PTPRQ: variants seen among roughly 807,000 people sequenced by gnomAD.
The protein encoded by PTPRQ is phosphatidylinositol phosphatase PTPRQ.
A neutral mutation model predicts 246.0 loss-of-function variants in PTPRQ; 199 were observed. The observed-to-expected ratio is 0.81, with a 90% CI of 0.72 to 0.91. PTPRQ has a LOEUF of 0.91. Among genes scored for constraint, PTPRQ ranks in the 40% least tolerant of loss-of-function variants. The pLI is 0.00. For synonymous variants in PTPRQ, 869 were observed against 853.2 expected (o/e 1.02, Z -0.32); for missense variants, 2,624 against 2,528.4 (o/e 1.04, Z -0.81).
intron 3 of PTPRQ, among the ~76,000 whole-genome samples, chr12:80,450,807 G>A (rs1007840435): frequency 4.6e-5 from 7 of 152,246 alleles, no homozygotes; most frequent in East Asian, 3.9e-4. Context: ...TTTTTGCATC[G>A]ATGTTCATCA....
Position 80,570,250 on chromosome 12 carries a change from T to C in PTPRQ, c.4286-17879T>C, listed in dbSNP as rs903417984. Among the ~76,000 whole-genome samples, 3 of 152,342 alleles carry C rather than the reference T, an allele frequency of 2.0e-5. No homozygotes were observed. The East Asian group carries it at 5.8e-4, about 29-fold the overall frequency. On this transcript the variant is annotated intron_variant, in intron 25 of 44. Transcript: ENST00000644991. ...CACATCCTCTCCAGCATCTGTTGTT[T>C]CCTGACTTTTTAATAATTGCCATTC...
intron 36 of PTPRQ, 145 bp from the exon 37 acceptor site, chr12:80,649,443 C>G: frequency 8.8e-7 from 1 of 1,139,798 alleles, no homozygotes; most frequent in Non-Finnish European, 1.2e-6. Flanking sequence ...ATAAGTATAA[C>G]AGAGTGACTT....
Position 80,549,512 on chromosome 12 carries a change from T to C in PTPRQ, c.4063T>C (p.Ser1355Pro). The change falls in exon 25 of 45, where the codon TCA becomes CCA. Residue 1355 changes from serine (S) to proline (P), a missense_variant. Physicochemically the swap from Ser to Pro is moderately conservative, Grantham distance 74. Coordinates refer to ENST00000644991, the MANE Select transcript of PTPRQ (RefSeq NM_001145026.2). The stretch of plus-strand genomic sequence containing the variant: ...GCAGTGCATGGCAACTAGCTGGCAG[T>C]CAGTTTTAGTGAAATGGGATCCACC... ...NMQCMATSWQ[S>P]VLVKWDPPKK... 2 of 1,551,036 alleles carry C rather than the reference T, an allele frequency of 1.3e-6. No homozygotes were observed. Among genetic ancestry groups the C allele is most frequent in the Non-Finnish European group, 1.7e-6 (2 of 1,146,518 alleles).
chr12:80,628,899 GT>G (rs2121158747), intron 33 of PTPRQ, among the ~76,000 whole-genome samples: 1 of 152,080 alleles, frequency 6.6e-6, no homozygotes, highest in East Asian at 1.9e-4. Context: ...AGTGTGCTGT[GT>G]TAGTCTGCTC....
rs1470178842 is a variant in PTPRQ at position 80,588,298 on chromosome 12, T to A, written c.4455T>A (p.Tyr1485Ter). 5.8e-6 allele frequency: 9 copies of A among 1,551,564 alleles called. No individual in the cohort carries two copies. Among genetic ancestry groups the A allele is most frequent in the Non-Finnish European group, 7.8e-6 (9 of 1,146,916 alleles). ...GGGAATCCGAAGAATGTGTTGAATA[T>A]CAAAAAATTCAATACCTCTATGAAG... ...KEWESEECVE[Y>*]QKIQYLYEAH... is the part of the protein sequence containing the mutation. The change falls in exon 26 of 45, where the codon TAT (tyrosine) becomes TAA (stop). Residue 1485 changes from tyrosine (Y) to a stop codon, truncating the protein, a stop_gained. Coordinates refer to ENST00000644991, the MANE Select transcript of PTPRQ (RefSeq NM_001145026.2). LOFTEE classifies it high-confidence loss of function.
At position 80,613,798 on chromosome 12, in the gene PTPRQ, C is replaced by G. The variant is rs574325862; in HGVS notation, c.5125C>G (p.Leu1709Val). The change falls in exon 29 of 45, where the codon CTA (leucine) becomes GTA (valine). Residue 1709 changes from leucine (L) to valine (V), a missense_variant. Physicochemically the swap from Leu to Val is conservative, Grantham distance 32. Coordinates refer to ENST00000644991, the MANE Select transcript of PTPRQ (RefSeq NM_001145026.2). ...QKTNTFVIAMLEGLKGGHTYN... is the reference protein window; with the variant it reads ...QKTNTFVIAMVEGLKGGHTYN... ...AACCAACACATTCGTCATTGCAATG[C>G]TAGAAGGACTAAAAGGTGGACATAC... 8.6e-5 allele frequency: 132 copies of G among 1,540,860 alleles called. 2 individuals are homozygous for G. The South Asian group carries it at 1.5e-3, about 18-fold the overall frequency.
intron 35 of PTPRQ, among the ~76,000 whole-genome samples, chr12:80,642,056 TACCCTGCTCA>T (rs1325595618): frequency 1.3e-5 from 2 of 152,114 alleles, no homozygotes; most frequent in Non-Finnish European, 2.9e-5. Context: ...CAGTGACTAG[TACCCTGCTCA>T]ATCAGAGCCC....
chr12:80,571,697 T>A (rs534087167), intron 25 of PTPRQ, among the ~76,000 whole-genome samples: 1 of 152,262 alleles, frequency 6.6e-6, no homozygotes, highest in South Asian at 2.1e-4. Flanking sequence ...ATTTTGGGTG[T>A]GTAGTATGAG....
intron 5 of PTPRQ, among the ~76,000 whole-genome samples, chr12:80,460,445 A>G (rs1388941410): frequency 1.3e-5 from 2 of 152,206 alleles, no homozygotes; most frequent in African/African-American, 4.8e-5. Context: ...GTAAAGGTTA[A>G]GGTATAAGGA....
chr12:80,624,139 A>G (rs1313213029), intron 33 of PTPRQ, among the ~76,000 whole-genome samples: 1 of 152,156 alleles, frequency 6.6e-6, no homozygotes. Context: ...GTGCTCTGGA[A>G]ACAGAAGGAG....
chr12:80,651,960 GAAAT>G (rs1390056597), intron 37 of PTPRQ, among the ~76,000 whole-genome samples: 2 of 151,918 alleles, frequency 1.3e-5, no homozygotes, highest in Non-Finnish European at 2.9e-5. Flanking sequence ...CCAATTAAAA[GAAAT>G]AATTTATATT....
chr12:80,604,986 G>T, intron 26 of PTPRQ, 73 bp from the exon 27 acceptor site: 2 of 1,349,452 alleles, frequency 1.5e-6, no homozygotes, highest in Admixed American at 3.4e-5. Context: ...ATTTTTCATG[G>T]TCTTTTCTAT....
In PTPRQ at chr12:80,534,172, G is replaced by A. The variant is rs1205553079; in HGVS notation, c.2836G>A (p.Gly946Arg). The change falls in exon 18 of 45, where the codon GGA becomes AGA. Residue 946 changes from glycine (G) to arginine (R), a missense_variant. Physicochemically the swap from Gly to Arg is moderately radical, Grantham distance 125 (BLOSUM62 -2). Transcript: ENST00000644991. Reference protein sequence around the residue: ...SNIISFQTPEGAPSDPPKDVY... With the variant: ...SNIISFQTPERAPSDPPKDVY... ...TATCATTAGCTTTCAAACACCAGAG[G>A]GAGGTGAGTTAAGGATGTATGCCAA... 3.9e-6 allele frequency: 6 copies of A among 1,527,026 alleles called. No homozygotes were observed. The highest frequency in any genetic ancestry group is 3.5e-6 in the Non-Finnish European group (4 of 1,136,062). The allele number at this position is 1,527,026 out of a possible 1,614,324, so 94.6% of individuals were successfully genotyped here.
chr12:80,459,316 G>T lies in PTPRQ; in HGVS notation c.493G>T (p.Ala165Ser). 5.0e-6 allele frequency: 2 copies of T among 398,378 alleles called. No individual in the cohort carries two copies. The highest frequency in any genetic ancestry group is 4.4e-5 in the Admixed American group (1 of 22,710). 24.7% of individuals were successfully genotyped at this position (398,378 alleles called of 1,614,324 possible). A position where few individuals can be genotyped will look rare whatever the true frequency, so the allele number is the denominator to read the frequency against. ...AAAAGTGGTGAATCTCACAGTTGAG[G>T]CCTACAACGCTTCAGCAGTTAAGCT... ...PGKVVNLTVE[A>S]YNASAVKLIW... Residue 165 changes from alanine to serine, a missense_variant, in exon 5 of 45, where the codon GCC becomes TCC. By Grantham distance (99) the Ala-to-Ser change is moderately conservative. Transcript: ENST00000644991.
intron 8 of PTPRQ, among the ~76,000 whole-genome samples, chr12:80,483,429 T>A (rs1894148825): frequency 6.9e-6 from 1 of 144,120 alleles, no homozygotes; most frequent in Admixed American, 6.9e-5. Flanking sequence ...TAATGCTAGA[T>A]GACGAGTTAG....
intron 17 of PTPRQ, among the ~76,000 whole-genome samples, chr12:80,523,121 T>C (rs545419808): frequency 2.0e-4 from 31 of 152,356 alleles, no homozygotes; most frequent in African/African-American, 6.7e-4. Flanking sequence ...AATTTATCCA[T>C]TTCTTCTAGA....
In PTPRQ at chr12:80,495,047, T is replaced by G; in HGVS notation, c.1655T>G (p.Met552Arg). 1 of 1,550,546 alleles carries G rather than the reference T, an allele frequency of 6.4e-7. No individual in the cohort carries two copies. Among genetic ancestry groups the G allele is most frequent in the Non-Finnish European group, 8.7e-7 (1 of 1,146,224 alleles). ...HMISVSAFTI[M>R]GEGPPTVLSV... Reference sequence around the variant, plus strand: ...ATTAGTGTATCTGCTTTCACCATCATGGGAGAAGGACCACCAACAGTTCTC... The same window carrying G: ...ATTAGTGTATCTGCTTTCACCATCAGGGGAGAAGGACCACCAACAGTTCTC... The change falls in exon 11 of 45, where the codon ATG becomes AGG. Residue 552 changes from methionine (M) to arginine (R), a missense_variant. Met to Arg is a moderately conservative substitution (Grantham distance 91). Coordinates refer to ENST00000644991, the MANE Select transcript of PTPRQ (RefSeq NM_001145026.2).
chr12:80,503,929 A>T (rs1039122669), intron 14 of PTPRQ, among the ~76,000 whole-genome samples: 2 of 142,768 alleles, frequency 1.4e-5, no homozygotes, highest in Non-Finnish European at 3.0e-5. Flanking sequence ...TCTAATTGTC[A>T]TTCCTATGTA....
rs147808716 is a variant in PTPRQ at position 80,530,768 on chromosome 12, C to CT, written c.2679-3246dup. 5.7e-3 allele frequency among the ~76,000 whole-genome samples: 866 copies of CT among 152,202 alleles called. 6 individuals carry two copies. Among genetic ancestry groups the CT allele is most frequent in the African/African-American group, 0.019 (808 of 41,532 alleles). On this transcript the variant is annotated intron_variant, in intron 17 of 44. Coordinates refer to ENST00000644991, the MANE Select transcript of PTPRQ (RefSeq NM_001145026.2). ...ATGTGAGTTTGTCAAAATGGGTACT[C>CT]TCACACATTGGTGGTATGATTCTAA...
Sources: allele counts gnomAD v4.1 joint callset (sites outside exome capture counted in the v4.1 genomes callset), GRCh38; gene constraint gnomAD v4.1.1; transcripts MANE v1.5; gene names NCBI Gene and HGNC (gene_info 2026-07-23, HGNC 2026-07-21).